The following CEP55 variants were observed in gnomAD, a reference collection of about 807,000 sequenced individuals.
CEP55 encodes centrosomal protein 55.
Under a neutral mutation model 63.2 loss-of-function variants are expected in CEP55, and 57 were observed. The ratio of observed to expected loss-of-function variants is 0.90; its 90% CI spans 0.73 to 1.13. The LOEUF is 1.13. CEP55 is among the 50% of genes most tolerant of loss of function. CEP55 has a pLI of 0.00. For missense variants in CEP55, 456 were observed against 518.9 expected, an observed-to-expected ratio of 0.88 and a Z score of 1.18; for synonymous variants, 178 against 191.6, an observed-to-expected ratio of 0.93 and a Z score of 0.59.
At chr10:93,497,512 T>G (rs1230798693) in intron 1 of CEP55, among the ~76,000 whole-genome samples, 2 of 152,042 alleles carry the variant, frequency 1.3e-5, no homozygotes, top group Admixed American at 6.5e-5. Context: ...ATGATCCACC[T>G]GCCTCGGCCT....
intron 1 of CEP55, among the ~76,000 whole-genome samples, chr10:93,498,989 ATTAGAG>A (rs149364695): frequency 0.045 from 6,830 of 152,094 alleles, 502 homozygotes; most frequent in African/African-American, 0.16. Context: ...AACCTCCTTA[ATTAGAG>A]TTACTTTTAT....
chr10:93,516,907 A>G, intron 5 of CEP55, 28 bp from the exon 6 acceptor site: 1 of 1,407,934 alleles, frequency 7.1e-7, no homozygotes, highest in Non-Finnish European at 9.7e-7. Flanking sequence ...TTATAAAGTG[A>G]GTTGTGCCGT....
intron 1 of CEP55, among the ~76,000 whole-genome samples, chr10:93,497,150 G>T (rs549233860): frequency 6.6e-6 from 1 of 152,226 alleles, no homozygotes; most frequent in Non-Finnish European, 1.5e-5. Context: ...GCGTCGCCTT[G>T]TAGAAGATGC....
At chr10:93,519,025 A>T in intron 7 of CEP55, 77 bp downstream of exon 7, 1 of 1,058,938 alleles carries the variant, frequency 9.4e-7, no homozygotes, top group Non-Finnish European at 1.4e-6. Context: ...ATGCTGTTCT[A>T]TGGAGAACTG....
At chr10:93,517,283 A>G in intron 6 of CEP55, 35 bp downstream of exon 6, 4 of 1,496,726 alleles carry the variant, frequency 2.7e-6, no homozygotes, top group South Asian at 1.3e-5. Context: ...CAGAGTGTTC[A>G]CCGAACACTT....
intron 6 of CEP55, 66 bp from the exon 7 acceptor site, chr10:93,518,811 C>T (rs1045252807): frequency 8.0e-5 from 87 of 1,084,106 alleles, no homozygotes; most frequent in South Asian, 1.8e-4. Context: ...GTGAGCTTTC[C>T]GTGCATCCCA....
chr10:93,518,348 C>T (rs111793713), intron 6 of CEP55, among the ~76,000 whole-genome samples: 1 of 152,020 alleles, frequency 6.6e-6, no homozygotes, highest in Non-Finnish European at 1.5e-5. Context: ...TGGGGTTTCA[C>T]CATGTTGGCC....
At chr10:93,516,429 C>G (rs1229695303) in intron 5 of CEP55, among the ~76,000 whole-genome samples, 1 of 152,066 alleles carries the variant, frequency 6.6e-6, no homozygotes. Flanking sequence ...TGGGCTAAGT[C>G]TAATTTCTTT....
At chr10:93,527,893 A>AC in intron 8 of CEP55, 57 bp from the exon 9 acceptor site, 1 of 1,498,946 alleles carries the variant, frequency 6.7e-7, no homozygotes, top group Non-Finnish European at 9.1e-7. Flanking sequence ...AAAGAAAAAA[A>AC]AAAAGCTGAA....
chr10:93,525,573 T>C (rs1195951532), intron 8 of CEP55, among the ~76,000 whole-genome samples: 8 of 152,074 alleles, frequency 5.3e-5, no homozygotes, highest in East Asian at 3.9e-4. Context: ...CTTCACAGAA[T>C]TGGAAAAAAC....
At chr10:93,521,746 A>G (rs2057865812) in intron 8 of CEP55, among the ~76,000 whole-genome samples, 1 of 152,092 alleles carries the variant, frequency 6.6e-6, no homozygotes, top group Admixed American at 6.5e-5. Context: ...CTGAGACAAA[A>G]CTTCCAGAGG....
chr10:93,506,352 T>C (rs1008432908), intron 3 of CEP55, among the ~76,000 whole-genome samples: 6 of 152,200 alleles, frequency 3.9e-5, no homozygotes, highest in Non-Finnish European at 4.4e-5. Flanking sequence ...TTGTTTTGTG[T>C]TTGTCTTTTT....
intron 2 of CEP55, among the ~76,000 whole-genome samples, chr10:93,501,941 C>T (rs955997948): frequency 9.9e-5 from 15 of 152,072 alleles, no homozygotes; most frequent in African/African-American, 3.6e-4. Context: ...TATTTTGTTC[C>T]TTTATAATCA....
chr10:93,526,191 T>TTCTG (rs2057919992), intron 8 of CEP55, among the ~76,000 whole-genome samples: 1 of 152,028 alleles, frequency 6.6e-6, no homozygotes, highest in African/African-American at 2.4e-5. Flanking sequence ...CTACTCAACC[T>TTCTG]ACAAAGGGCT....
At chr10:93,506,354 T>A (rs1019849305) in intron 3 of CEP55, among the ~76,000 whole-genome samples, 2 of 152,224 alleles carry the variant, frequency 1.3e-5, no homozygotes, top group Non-Finnish European at 2.9e-5. Flanking sequence ...GTTTTGTGTT[T>A]GTCTTTTTGG....
chr10:93,505,164 G>A lies in CEP55; in HGVS notation c.459+1776G>A, dbSNP rs116516148. ...CTTATAATAATTTTGTGGGCTACTCGTATTGATTTCTTTATTAACTAGTAT... is the reference window on the plus strand; with the variant it reads ...CTTATAATAATTTTGTGGGCTACTCATATTGATTTCTTTATTAACTAGTAT... On this transcript the variant is annotated intron_variant, in intron 3 of 8. Transcript: ENST00000371485. Among the ~76,000 whole-genome samples the A allele has an allele frequency of 7.2e-3, 1,098 of 152,284 alleles. 15 individuals carry two copies. The highest frequency in any genetic ancestry group is 0.025 in the African/African-American group (1,053 of 41,536).
intron 8 of CEP55, among the ~76,000 whole-genome samples, chr10:93,521,859 C>T (rs1276943155): frequency 6.6e-6 from 1 of 152,178 alleles, no homozygotes; most frequent in Non-Finnish European, 1.5e-5. Context: ...CTCTGGCAAA[C>T]TCCAAAAGAC....
chr10:93,528,292 T>A lies in CEP55; in HGVS notation c.*139T>A, dbSNP rs1378587508. 2 of 688,076 alleles carry A rather than the reference T, an allele frequency of 2.9e-6. No homozygotes were observed. Among genetic ancestry groups the A allele is most frequent in the Non-Finnish European group, 5.0e-6 (2 of 398,410 alleles). 42.6% of individuals were successfully genotyped at this position (688,076 alleles called of 1,614,324 possible). Reference sequence around the variant, plus strand: ...GACACTCCAGCATGCTAGTGAATCATGTATCTTTTAGGCTGCTGTGCATTT... The same window carrying A: ...GACACTCCAGCATGCTAGTGAATCAAGTATCTTTTAGGCTGCTGTGCATTT... On this transcript the variant is annotated 3_prime_UTR_variant, in exon 9 of 9. Transcript: ENST00000371485.
intron 8 of CEP55, among the ~76,000 whole-genome samples, chr10:93,521,566 A>T (rs1458931797): frequency 6.6e-6 from 1 of 152,210 alleles, no homozygotes; most frequent in Non-Finnish European, 1.5e-5. Flanking sequence ...GCAGACTTAA[A>T]TGTCCCTGTC....
Sources: gnomAD v4.1 joint callset for allele counts (sites outside exome capture counted in the v4.1 genomes callset) on GRCh38, gnomAD v4.1.1 for gene constraint, MANE v1.5 for transcripts, NCBI Gene and HGNC (gene_info 2026-07-23, HGNC 2026-07-21) for gene names.